Variants in OSMR observed in about 807,000 individuals in gnomAD.
The protein encoded by OSMR is oncostatin-M-specific receptor subunit beta.
OSMR carries 81 observed loss-of-function variants against 99.9 expected under a neutral mutation model. That is an observed-to-expected ratio of 0.81 (90% CI 0.68 to 0.97). The LOEUF (loss-of-function observed/expected upper bound fraction) is 0.97. Ranked by LOEUF, OSMR falls within the 50% of genes least tolerant of loss-of-function variation. OSMR has a pLI of 0.00. For missense variants in OSMR, 1,099 were observed against 1,153.4 expected (o/e 0.95, Z 0.68); for synonymous variants, 406 against 410.4 (o/e 0.99, Z 0.13).
intron 9 of OSMR, among the ~76,000 whole-genome samples, chr5:38,907,757 C>T (rs1261843288): frequency 6.6e-6 from 1 of 152,190 alleles, no homozygotes; most frequent in African/African-American, 2.4e-5. Context: ...CCTGCAGCCT[C>T]CCCCAACCAC....
chr5:38,899,635 G>A (rs557094857), intron 7 of OSMR, among the ~76,000 whole-genome samples: 103 of 152,228 alleles, frequency 6.8e-4, no homozygotes, highest in African/African-American at 2.1e-3. Context: ...GGTCCTGCTC[G>A]GACTGGGTCC....
chr5:38,885,353 A>C lies in OSMR; in HGVS notation c.708A>C (p.Val236=). Reference sequence around the variant, plus strand: ...TGTTTTCCTTTGTATGGACAGAAGTACTTGAGGAGCCCAAGGACTTTTCTT... The same window carrying C: ...TGTTTTCCTTTGTATGGACAGAAGTCCTTGAGGAGCCCAAGGACTTTTCTT... ...MKGIVLFVSK[V]LEEPKDFSCE... The change falls in exon 6 of 18, where the codon GTA becomes GTC. Residue 236 remains valine (V), a synonymous_variant. Coordinates refer to ENST00000274276, the MANE Select transcript of OSMR (RefSeq NM_003999.3). 1 of 1,613,814 alleles carries C rather than the reference A, an allele frequency of 6.2e-7. No homozygotes were observed. Among genetic ancestry groups the C allele is most frequent in the Non-Finnish European group, 8.5e-7 (1 of 1,179,826 alleles).
At chr5:38,931,595 G>A (rs3805572) in intron 15 of OSMR, 2,857 of 170,376 alleles carry the variant, frequency 0.017, 58 homozygotes, top group African/African-American at 0.052. Flanking sequence ...GGCAGGGGTG[G>A]AAAAGCATAA....
At chr5:38,869,335 C>G (rs977367508) in intron 2 of OSMR, among the ~76,000 whole-genome samples, 1 of 152,190 alleles carries the variant, frequency 6.6e-6, no homozygotes, top group Non-Finnish European at 1.5e-5. Context: ...CACCCTTTGA[C>G]CCTGACTTCC....
intron 15 of OSMR, among the ~76,000 whole-genome samples, chr5:38,928,773 CA>C (rs1390121109): frequency 2.6e-5 from 4 of 152,128 alleles, no homozygotes; most frequent in Non-Finnish European, 5.9e-5. Context: ...AACCAAAATC[CA>C]GAACCCCTTA....
intron 1 of OSMR, among the ~76,000 whole-genome samples, chr5:38,851,935 A>G (rs1188584817): frequency 1.3e-5 from 2 of 152,170 alleles, no homozygotes; most frequent in Non-Finnish European, 2.9e-5. Flanking sequence ...GTCTGCCACC[A>G]TGTGAAATGT....
At chr5:38,862,037 T>A (rs1579639672) in intron 1 of OSMR, among the ~76,000 whole-genome samples, 14 of 77,304 alleles carry the variant, frequency 1.8e-4, no homozygotes, top group East Asian at 5.0e-4. Context: ...CACTTCCCAG[T>A]AGGGGCGGCC....
intron 1 of OSMR, among the ~76,000 whole-genome samples, chr5:38,861,053 G>A (rs1192475453): frequency 2.0e-5 from 3 of 152,074 alleles, no homozygotes; most frequent in Admixed American, 2.0e-4. Flanking sequence ...TCCTGTTATT[G>A]AATTCTAGTT....
chr5:38,892,050 G>A (rs953116509), intron 7 of OSMR, among the ~76,000 whole-genome samples: 2 of 152,148 alleles, frequency 1.3e-5, no homozygotes, highest in African/African-American at 4.8e-5. Context: ...AGTTCCTCTG[G>A]GGAAAAACTC....
chr5:38,887,160 C>T (rs1430420), intron 7 of OSMR, among the ~76,000 whole-genome samples: 21,488 of 152,012 alleles, frequency 0.14, 2,230 homozygotes, highest in African/African-American at 0.29. Flanking sequence ...TGATTGTTGT[C>T]CATTTCTTTA....
At chr5:38,908,695 C>A (rs968312439) in intron 9 of OSMR, among the ~76,000 whole-genome samples, 1 of 152,170 alleles carries the variant, frequency 6.6e-6, no homozygotes, top group Non-Finnish European at 1.5e-5. Context: ...ACCCAGTCAA[C>A]TGAACCCATC....
intron 2 of OSMR, among the ~76,000 whole-genome samples, chr5:38,874,175 C>A (rs568681804): frequency 2.6e-5 from 4 of 152,222 alleles, no homozygotes; most frequent in Non-Finnish European, 5.9e-5. Flanking sequence ...TATATGTTGT[C>A]TTTTCACTTT....
intron 1 of OSMR, among the ~76,000 whole-genome samples, chr5:38,863,750 A>G (rs1741705095): frequency 6.6e-6 from 1 of 152,198 alleles, no homozygotes; most frequent in Admixed American, 6.5e-5. Flanking sequence ...ATGCTGAGAA[A>G]GGGATACTGA....
At chr5:38,888,104 C>T (rs1743913179) in intron 7 of OSMR, among the ~76,000 whole-genome samples, 1 of 152,040 alleles carries the variant, frequency 6.6e-6, no homozygotes, top group African/African-American at 2.4e-5. Context: ...AAGAGAAAAC[C>T]CCATGTGCAG....
intron 1 of OSMR, among the ~76,000 whole-genome samples, chr5:38,866,355 C>A (rs1410690622): frequency 1.3e-5 from 2 of 152,170 alleles, no homozygotes; most frequent in Admixed American, 1.3e-4. Flanking sequence ...AAAGTACATG[C>A]AGGTGGGTGG....
chr5:38,901,361 T>C (rs954972480), intron 7 of OSMR, among the ~76,000 whole-genome samples: 3 of 152,210 alleles, frequency 2.0e-5, no homozygotes, highest in Non-Finnish European at 4.4e-5. Context: ...TGGAACCTAC[T>C]GGTCCCTTGG....
chr5:38,944,424 C>G, intron 2 of OSMR: 5 of 1,587,156 alleles, frequency 3.2e-6, no homozygotes, highest in Non-Finnish European at 3.4e-6. Context: ...ACAAATAATA[C>G]TCATGCACAT....
intron 7 of OSMR, among the ~76,000 whole-genome samples, chr5:38,895,254 G>T (rs1229494910): frequency 6.6e-6 from 1 of 151,980 alleles, no homozygotes; most frequent in Non-Finnish European, 1.5e-5. Flanking sequence ...AATTAGAGCA[G>T]AACTGAATGA....
chr5:38,936,741 A>ACTC (rs1442758705), downstream of OSMR, among the ~76,000 whole-genome samples: 1 of 152,208 alleles, frequency 6.6e-6, no homozygotes, highest in Non-Finnish European at 1.5e-5. Flanking sequence ...AACTTTTAAA[A>ACTC]CTCTGGAAGA....
Sources: gnomAD v4.1 joint callset for allele counts (sites outside exome capture counted in the v4.1 genomes callset) on GRCh38, gnomAD v4.1.1 for gene constraint, MANE v1.5 for transcripts, NCBI Gene and HGNC (gene_info 2026-07-23, HGNC 2026-07-21) for gene names.